The following GLG1 variants were observed in gnomAD, a reference collection of about 807,000 sequenced individuals.
GLG1 encodes golgi glycoprotein 1.
Under a neutral mutation model 160.5 loss-of-function variants are expected in GLG1, and 38 were observed. The ratio of observed to expected loss-of-function variants is 0.24; its 90% confidence interval spans 0.18 to 0.31. GLG1 has a LOEUF of 0.31. Among genes scored for constraint, GLG1 ranks in the 10% least tolerant of loss-of-function variants. GLG1 has a pLI of 1.00. For missense variants in GLG1, 1,373 were observed against 1,505.2 expected (o/e 0.91, Z 1.45); for synonymous variants, 644 against 543.4 (o/e 1.19, Z -2.57).
At chr16:74,569,194 G>T (rs1223123737) in intron 1 of GLG1, among the ~76,000 whole-genome samples, 1 of 152,214 alleles carries the variant, frequency 6.6e-6, no homozygotes, top group African/African-American at 2.4e-5. Context: ...GCACAGATTT[G>T]TACTGTATGG....
At position 74,607,072 on chromosome 16, in the gene GLG1, C is replaced by G. The variant is rs567707138; in HGVS notation, c.23G>C (p.Arg8Pro). Residue 8 changes from arginine (R) to proline (P), a missense_variant, in exon 1 of 26, where the codon CGG (arginine) becomes CCG (proline). Around this residue, in one of 4 missense-constraint regions of GLG1, gnomAD observed 322 missense variants for 254.6 expected, o/e 1.26. Transcript: ENST00000422840. ...CGCCGCCGACAAGCGGAACATCCTC[C>G]GTACACGTCCACACGCCGCCATCTT... MAACGRV[R>P]RMFRLSAALH... 2.5e-6 allele frequency: 4 copies of G among 1,569,508 alleles called. No homozygotes were observed.
At chr16:74,478,982 G>C (rs1261518655) in intron 11 of GLG1, among the ~76,000 whole-genome samples, 1 of 136,352 alleles carries the variant, frequency 7.3e-6, no homozygotes, top group African/African-American at 2.7e-5. Flanking sequence ...CAGGTGAGTG[G>C]ATCACCTGAG....
chr16:74,527,066 T>C (rs1461059039), intron 2 of GLG1, among the ~76,000 whole-genome samples: 1 of 152,148 alleles, frequency 6.6e-6, no homozygotes, highest in Non-Finnish European at 1.5e-5. Flanking sequence ...TATACATCCT[T>C]AACTTGGTCA....
chr16:74,591,079 T>C (rs1958170834), intron 1 of GLG1, among the ~76,000 whole-genome samples: 1 of 152,184 alleles, frequency 6.6e-6, no homozygotes, highest in African/African-American at 2.4e-5. Context: ...ACACCTGTAA[T>C]CCCAGCACTT....
intron 1 of GLG1, among the ~76,000 whole-genome samples, chr16:74,602,608 CCT>C (rs1398356673): frequency 2.0e-5 from 3 of 151,662 alleles, no homozygotes; most frequent in Non-Finnish European, 4.4e-5. Flanking sequence ...ATAGTGAAAC[CCT>C]GTCTCTACTA....
intron 20 of GLG1, 158 bp downstream of exon 20, chr16:74,463,198 G>A (rs2014868738): frequency 3.1e-6 from 2 of 653,178 alleles, no homozygotes; most frequent in Non-Finnish European, 5.1e-6. Flanking sequence ...CCATTTTTCT[G>A]GATGCTCCTC....
chr16:74,527,986 A>G (rs2017395252), intron 2 of GLG1, among the ~76,000 whole-genome samples: 1 of 147,866 alleles, frequency 6.8e-6, no homozygotes, highest in African/African-American at 2.5e-5. Context: ...CCAGGGTCAC[A>G]CCATTCTCCT....
intron 1 of GLG1, among the ~76,000 whole-genome samples, chr16:74,544,333 G>A (rs2017983306): frequency 6.6e-6 from 1 of 152,156 alleles, no homozygotes; most frequent in African/African-American, 2.4e-5. Flanking sequence ...GTTGTTTTGA[G>A]ACAGAGTTTC....
rs1470717674 is a variant in GLG1, at chr16:74,599,893, G to T, written c.438+6764C>A. On this transcript the variant is annotated intron_variant, in intron 1 of 25. Coordinates refer to ENST00000422840, the MANE Select transcript of GLG1 (RefSeq NM_001145667.2). ...AAAAAACAAAAAAAAAATTAGCCAG[G>T]CATGGTGGCTGGTGCCTGTAATCCC... 2.0e-5 allele frequency among the ~76,000 whole-genome samples: 3 copies of T among 150,352 alleles called. No homozygotes were observed. In the Admixed American group the frequency reaches 2.0e-4, roughly 10 times the overall value.
At chr16:74,559,444 T>C (rs1440061419) in intron 1 of GLG1, among the ~76,000 whole-genome samples, 2 of 139,412 alleles carry the variant, frequency 1.4e-5, no homozygotes, top group African/African-American at 5.5e-5. Context: ...ATCCTGTCTC[T>C]AGAAAAGGTG....
intron 1 of GLG1, among the ~76,000 whole-genome samples, chr16:74,550,993 G>A (rs935512101): frequency 1.1e-4 from 16 of 152,030 alleles, no homozygotes; most frequent in African/African-American, 3.1e-4. Flanking sequence ...GAGCAACCCT[G>A]GAAATATTCA....
chr16:74,560,680 T>C lies in GLG1; in HGVS notation c.439-28527A>G, dbSNP rs142925661. ...AAAAGGCAAAGCTTAAGCAACTAATTGTAAGAAAAATTAAACCTGAGCTGG... is the reference window on the plus strand; with the variant it reads ...AAAAGGCAAAGCTTAAGCAACTAATCGTAAGAAAAATTAAACCTGAGCTGG... On this transcript the variant is annotated intron_variant, in intron 1 of 25. Coordinates refer to ENST00000422840, the MANE Select transcript of GLG1 (RefSeq NM_001145667.2). Among the ~76,000 whole-genome samples the C allele has an allele frequency of 1.4e-3, 220 of 152,112 alleles. 1 individual carries two copies. In the South Asian group the frequency reaches 0.016, roughly 11 times the overall value.
At chr16:74,524,410 C>A (rs192538069) in intron 2 of GLG1, among the ~76,000 whole-genome samples, 7 of 152,020 alleles carry the variant, frequency 4.6e-5, no homozygotes, top group Admixed American at 6.6e-5. Context: ...TTTATAGACA[C>A]GTTTTATCAG....
chr16:74,454,666 CAAAAAAAAAA>C (rs58759187), intron 25 of GLG1, among the ~76,000 whole-genome samples: 3 of 38,494 alleles, frequency 7.8e-5, no homozygotes, highest in African/African-American at 9.5e-5. Flanking sequence ...AATCCGTCCC[CAAAAAAAAAA>C]AAAAAAAAAA....
At position 74,606,785 on chromosome 16, in the gene GLG1, C is replaced by G; in HGVS notation, c.310G>C (p.Ala104Pro). The G allele has an allele frequency of 6.2e-7, 1 of 1,606,478 alleles. No individual in the cohort carries two copies. Among genetic ancestry groups the G allele is most frequent in the Non-Finnish European group, 8.5e-7 (1 of 1,176,554 alleles). ...AGCTTCCAGCCCCCACCAGCCCCCGCTCCTCCCCGCCGGGCCGGAGGCCCA... is the reference window on the plus strand; with the variant it reads ...AGCTTCCAGCCCCCACCAGCCCCCGGTCCTCCCCGCCGGGCCGGAGGCCCA... Reference protein sequence around the residue: ...AGGPPARRGGAGAGGGWKLAE... With the variant: ...AGGPPARRGGPGAGGGWKLAE... Residue 104 changes from alanine to proline, a missense_variant, in exon 1 of 26, where the codon GCG (alanine) becomes CCG (proline). Ala to Pro is a conservative substitution (Grantham distance 27). Coordinates refer to ENST00000422840, the MANE Select transcript of GLG1 (RefSeq NM_001145667.2).
chr16:74,505,288 G>A (rs2016555987), intron 3 of GLG1, among the ~76,000 whole-genome samples: 1 of 152,168 alleles, frequency 6.6e-6, no homozygotes, highest in Non-Finnish European at 1.5e-5. Flanking sequence ...AGAAAGTTGT[G>A]TTTACTTCTA....
chr16:74,483,184 A>G, intron 9 of GLG1, 60 bp from the exon 10 acceptor site: 1 of 965,060 alleles, frequency 1.0e-6, no homozygotes. Flanking sequence ...CTATGTCAAT[A>G]TAGTATTTCC....
At chr16:74,454,657 A>C (rs1457952793) in intron 25 of GLG1, among the ~76,000 whole-genome samples, 2 of 119,890 alleles carry the variant, frequency 1.7e-5, no homozygotes, top group African/African-American at 6.5e-5. Flanking sequence ...CAGGACGAGA[A>C]TCCGTCCCCA....
intron 1 of GLG1, among the ~76,000 whole-genome samples, chr16:74,543,002 A>G (rs995933609): frequency 2.0e-5 from 3 of 151,966 alleles, no homozygotes; most frequent in Non-Finnish European, 4.4e-5. Context: ...ATTAAATATA[A>G]TTTCTCACAC....
Sources: gnomAD v4.1 joint callset for allele counts (sites outside exome capture counted in the v4.1 genomes callset) on GRCh38, gnomAD v4.1.1 for gene constraint, gnomAD v4.1.1 regional missense constraint, MANE v1.5 for transcripts, NCBI Gene and HGNC (gene_info 2026-07-23, HGNC 2026-07-21) for gene names.